Variants in TCF12 observed in about 807,000 individuals in gnomAD.
The protein encoded by TCF12 is DNA-binding protein HTF4.
Under a neutral mutation model 86.0 loss-of-function variants are expected in TCF12, and 45 were observed. That is an observed-to-expected ratio of 0.52 (90% confidence interval 0.41 to 0.67). TCF12 has a LOEUF of 0.67. Among genes scored for constraint, TCF12 ranks in the 30% least tolerant of loss-of-function variants. TCF12 has a pLI of 0.00. For synonymous variants in TCF12, 330 were observed against 299.6 expected (o/e 1.10, Z -1.05); for missense variants, 881 against 859.9 (o/e 1.02, Z -0.31).
chr15:57,219,032 G>A (rs547100680), intron 8 of TCF12: 2 of 1,045,700 alleles, frequency 1.9e-6, no homozygotes, highest in Non-Finnish European at 2.3e-6. Flanking sequence ...TATCAAAGTT[G>A]AAGCAACTTT....
At chr15:56,923,864 TAAGTA>T (rs1189271172) in intron 3 of TCF12, among the ~76,000 whole-genome samples, 2 of 152,144 alleles carry the variant, frequency 1.3e-5, no homozygotes, top group African/African-American at 4.8e-5. Flanking sequence ...TTTTAACTAT[TAAGTA>T]AAGCTTCACT....
intron 8 of TCF12, among the ~76,000 whole-genome samples, chr15:57,228,462 C>G (rs1272856296): frequency 4.0e-5 from 6 of 151,754 alleles, no homozygotes; most frequent in African/African-American, 1.5e-4. Flanking sequence ...CTTTAAAAGT[C>G]CATTGTTTTC....
At chr15:56,947,219 C>A (rs575429033) in intron 3 of TCF12, among the ~76,000 whole-genome samples, 1 of 152,308 alleles carries the variant, frequency 6.6e-6, no homozygotes, top group South Asian at 2.1e-4. Context: ...CTGAAAACAT[C>A]TCCCAATCCT....
intron 8 of TCF12, among the ~76,000 whole-genome samples, chr15:57,201,691 G>A (rs935439916): frequency 2.0e-5 from 3 of 152,132 alleles, no homozygotes; most frequent in African/African-American, 4.8e-5. Flanking sequence ...GATAATGGAA[G>A]GCATTTATAG....
At chr15:57,211,860 A>G (rs1169495534) in intron 8 of TCF12, among the ~76,000 whole-genome samples, 1 of 152,178 alleles carries the variant, frequency 6.6e-6, no homozygotes, top group Non-Finnish European at 1.5e-5. Context: ...AGGCTTAGGC[A>G]TGAGAATGGC....
chr15:57,279,695 C>T (rs1391878113), intron 19 of TCF12, among the ~76,000 whole-genome samples: 1 of 152,080 alleles, frequency 6.6e-6, no homozygotes, highest in Non-Finnish European at 1.5e-5. Flanking sequence ...CATCATGTCT[C>T]CTAGATCCTG....
At chr15:57,267,128 T>C (rs1456461518) in intron 18 of TCF12, among the ~76,000 whole-genome samples, 1 of 152,244 alleles carries the variant, frequency 6.6e-6, no homozygotes, top group African/African-American at 2.4e-5. Flanking sequence ...ATCAATGATA[T>C]GTGTATATAT....
chr15:56,997,780 A>G (rs1205406890), intron 3 of TCF12, among the ~76,000 whole-genome samples: 3 of 152,232 alleles, frequency 2.0e-5, no homozygotes, highest in East Asian at 3.8e-4. Context: ...AAGTTTGTCA[A>G]GAGTCCATAG....
intron 6 of TCF12, among the ~76,000 whole-genome samples, chr15:57,178,211 G>C (rs112049092): frequency 1.8e-4 from 27 of 152,266 alleles, no homozygotes; most frequent in Non-Finnish European, 3.7e-4. Context: ...CGGAACAACA[G>C]AATGTTGACA....
At chr15:57,196,442 GA>G (rs1315816980) in intron 7 of TCF12, among the ~76,000 whole-genome samples, 1 of 152,146 alleles carries the variant, frequency 6.6e-6, no homozygotes, top group Admixed American at 6.5e-5. Flanking sequence ...TGATACTGAG[GA>G]ATGATTGTGC....
At chr15:57,058,388 AT>A (rs1372119590) in intron 3 of TCF12, among the ~76,000 whole-genome samples, 1 of 152,150 alleles carries the variant, frequency 6.6e-6, no homozygotes, top group African/African-American at 2.4e-5. Context: ...AAAATTAGTC[AT>A]TTTTTTGAAT....
intron 5 of TCF12, among the ~76,000 whole-genome samples, chr15:57,108,399 C>G (rs532883943): frequency 1.3e-5 from 2 of 152,176 alleles, no homozygotes; most frequent in East Asian, 3.9e-4. Context: ...CTCAAGTTTA[C>G]TGGGTGAGAA....
chr15:57,089,851 T>G (rs2048879557), intron 4 of TCF12, among the ~76,000 whole-genome samples: 1 of 152,096 alleles, frequency 6.6e-6, no homozygotes, highest in African/African-American at 2.4e-5. Context: ...GTGGGAAGGG[T>G]GGCAGAGAGA....
chr15:57,243,501 T>A lies in TCF12; in HGVS notation c.1065T>A (p.Ser355Arg). 6.2e-7 allele frequency: 1 copy of A among 1,613,936 alleles called. No homozygotes were observed. The highest frequency in any genetic ancestry group is 8.5e-7 in the Non-Finnish European group (1 of 1,179,888). The change falls in exon 13 of 21, where the codon AGT (serine) becomes AGA (arginine). Residue 355 changes from serine (S) to arginine (R), a missense_variant. Coordinates refer to ENST00000333725, the MANE Select transcript of TCF12 (RefSeq NM_207037.2). ...ATTCTCCTGACCATACCAGCAGTAG[T>A]TTTCCGTCAAATCCATCAACACCAG... ...SIYSPDHTSS[S>R]FPSNPSTPVG...
intron 3 of TCF12, among the ~76,000 whole-genome samples, chr15:56,974,607 T>C (rs1441726400): frequency 1.3e-5 from 2 of 152,136 alleles, no homozygotes; most frequent in East Asian, 1.9e-4. Context: ...CTGTGTACTT[T>C]AGTATTTACA....
chr15:56,970,405 G>A (rs1375666735), intron 3 of TCF12, among the ~76,000 whole-genome samples: 4 of 148,848 alleles, frequency 2.7e-5, no homozygotes, highest in Admixed American at 1.4e-4. Flanking sequence ...GCTTGAATCC[G>A]GGAGGTGGAG....
chr15:56,952,248 C>T (rs987743842), intron 3 of TCF12, among the ~76,000 whole-genome samples: 4 of 151,100 alleles, frequency 2.6e-5, no homozygotes, highest in African/African-American at 9.7e-5. Context: ...TAATTTAGTC[C>T]ATTGATCTCT....
chr15:57,214,907 G>T (rs1249591201), intron 8 of TCF12, among the ~76,000 whole-genome samples: 1 of 152,096 alleles, frequency 6.6e-6, no homozygotes, highest in Non-Finnish European at 1.5e-5. Context: ...GATAGACTGG[G>T]TTATCAGCAA....
chr15:57,165,560 G>A (rs1460767051), intron 5 of TCF12, among the ~76,000 whole-genome samples: 11 of 148,446 alleles, frequency 7.4e-5, no homozygotes, highest in South Asian at 6.4e-4. Flanking sequence ...TTTTTGAGGC[G>A]GAGTCTTGTT....
Sources: allele counts gnomAD v4.1 joint callset (sites outside exome capture counted in the v4.1 genomes callset), GRCh38; gene constraint gnomAD v4.1.1; transcripts MANE v1.5; gene names NCBI Gene and HGNC (gene_info 2026-07-23, HGNC 2026-07-21).